FAT3: variants seen among roughly 807,000 people sequenced by gnomAD.
FAT3 encodes the protein FAT atypical cadherin 3, also known as protocadherin Fat 3.
A neutral mutation model predicts 310.2 loss-of-function variants in FAT3; 95 were observed. That is an observed-to-expected ratio of 0.31 (90% CI 0.26 to 0.36). The LOEUF (loss-of-function observed/expected upper bound fraction) is 0.36. FAT3 is among the 10% of genes least tolerant of loss of function. FAT3 has a pLI of 1.00. For missense variants in FAT3, 5,408 were observed against 5,715.6 expected, an observed-to-expected ratio of 0.95 and a Z score of 1.74; for synonymous variants, 2,314 against 2,192.9, an observed-to-expected ratio of 1.06 and a Z score of -1.54.
chr11:92,451,501 C>T (rs1337809464), intron 2 of FAT3, among the ~76,000 whole-genome samples: 1 of 152,088 alleles, frequency 6.6e-6, no homozygotes, highest in Non-Finnish European at 1.5e-5. Context: ...TTAACAGCAG[C>T]CAGCATTCCC....
chr11:92,351,260 C>T (rs1948557643), intron 1 of FAT3, among the ~76,000 whole-genome samples: 1 of 152,074 alleles, frequency 6.6e-6, no homozygotes, highest in African/African-American at 2.4e-5. Flanking sequence ...ATTCTCATGG[C>T]ATTGCATTAT....
chr11:92,823,314 A>G (rs1165227779), intron 13 of FAT3, among the ~76,000 whole-genome samples: 2 of 152,178 alleles, frequency 1.3e-5, no homozygotes, highest in Non-Finnish European at 2.9e-5. Context: ...GTTTACTTAC[A>G]CTTAATCATC....
intron 2 of FAT3, among the ~76,000 whole-genome samples, chr11:92,485,981 AC>A (rs1952370895): frequency 6.6e-6 from 1 of 152,098 alleles, no homozygotes; most frequent in African/African-American, 2.4e-5. Flanking sequence ...AAAGCCATGA[AC>A]CTAGATTTCA....
chr11:92,696,235 A>G (rs1226667374), intron 3 of FAT3, among the ~76,000 whole-genome samples: 2 of 152,124 alleles, frequency 1.3e-5, no homozygotes, highest in Non-Finnish European at 2.9e-5. Context: ...TCATTTATAC[A>G]CTGGAAACAC....
At chr11:92,375,795 C>G (rs898040300) in intron 2 of FAT3, among the ~76,000 whole-genome samples, 1 of 152,096 alleles carries the variant, frequency 6.6e-6, no homozygotes, top group African/African-American at 2.4e-5. Flanking sequence ...TGGTGACCAT[C>G]CTTTATGGTA....
At chr11:92,246,125 G>A (rs1228631635) in intron 1 of FAT3, among the ~76,000 whole-genome samples, 1 of 152,112 alleles carries the variant, frequency 6.6e-6, no homozygotes, top group Non-Finnish European at 1.5e-5. Context: ...CTGCCAGATG[G>A]CAGTGGATGG....
At chr11:92,827,600 T>G (rs1948134177) in intron 13 of FAT3, among the ~76,000 whole-genome samples, 1 of 152,180 alleles carries the variant, frequency 6.6e-6, no homozygotes, top group Non-Finnish European at 1.5e-5. Flanking sequence ...GACTTTTATG[T>G]ACAGTCCCAC....
chr11:92,266,141 G>C lies in FAT3; in HGVS notation c.-18+40967G>C, dbSNP rs148522248. Among the ~76,000 whole-genome samples the C allele has an allele frequency of 6.2e-3, 938 of 152,172 alleles. 2 individuals are homozygous for C. The highest frequency in any genetic ancestry group is 0.01 in the Non-Finnish European group (708 of 67,988). On this transcript the variant is annotated intron_variant, in intron 1 of 27. Coordinates refer to ENST00000525166, the MANE Select transcript of FAT3 (RefSeq NM_001367949.2). ...TGACTTGCAAGGAGATTTATCTTAG[G>C]TTCTAAATGCCTCTTTTAAAGGAAT... is the stretch of plus-strand genomic sequence containing the variant.
At chr11:92,302,131 C>T (rs1466963305) in intron 1 of FAT3, among the ~76,000 whole-genome samples, 10 of 152,048 alleles carry the variant, frequency 6.6e-5, no homozygotes, top group Admixed American at 6.6e-4. Context: ...CCTACTCCAC[C>T]ATAAGGAGCA....
intron 2 of FAT3, among the ~76,000 whole-genome samples, chr11:92,496,342 C>T (rs1952763169): frequency 6.6e-6 from 1 of 152,034 alleles, no homozygotes; most frequent in East Asian, 1.9e-4. Flanking sequence ...CCCCCTGCCT[C>T]TCCACCGCAC....
At chr11:92,241,313 T>G (rs935140775) in intron 1 of FAT3, among the ~76,000 whole-genome samples, 1 of 152,118 alleles carries the variant, frequency 6.6e-6, no homozygotes. Context: ...TCTCTTTTGC[T>G]TCTTAGCATT....
intron 13 of FAT3, among the ~76,000 whole-genome samples, chr11:92,813,475 A>G (rs1339516526): frequency 2.0e-5 from 3 of 152,116 alleles, no homozygotes; most frequent in Non-Finnish European, 2.9e-5. Flanking sequence ...ATATATTTCT[A>G]TGCAATGTTA....
chr11:92,517,646 T>C (rs1307091640), intron 2 of FAT3, among the ~76,000 whole-genome samples: 1 of 152,108 alleles, frequency 6.6e-6, no homozygotes, highest in Non-Finnish European at 1.5e-5. Context: ...ACTAAAGAGC[T>C]TCTGCACAGC....
chr11:92,469,981 C>T (rs1484520645), intron 2 of FAT3, among the ~76,000 whole-genome samples: 1 of 152,128 alleles, frequency 6.6e-6, no homozygotes, highest in African/African-American at 2.4e-5. Context: ...AATCATGCTC[C>T]AATTCCAAGT....
At chr11:92,725,604 A>G (rs1041262866) in intron 4 of FAT3, among the ~76,000 whole-genome samples, 2 of 152,166 alleles carry the variant, frequency 1.3e-5, no homozygotes, top group African/African-American at 2.4e-5. Context: ...AACCAATTCT[A>G]TGGATGTAGA....
intron 19 of FAT3, among the ~76,000 whole-genome samples, chr11:92,845,051 A>T (rs1408584227): frequency 6.6e-6 from 1 of 152,220 alleles, no homozygotes; most frequent in African/African-American, 2.4e-5. Flanking sequence ...GATAAGGGTC[A>T]AGTAGGAATC....
chr11:92,364,315 G>A (rs1488832876), intron 2 of FAT3, among the ~76,000 whole-genome samples: 1 of 152,074 alleles, frequency 6.6e-6, no homozygotes, highest in African/African-American at 2.4e-5. Context: ...TTATCAAACA[G>A]TGAAATTTCA....
rs528174350 is a variant in FAT3, at chr11:92,547,478, A to G, written c.3607+22530A>G. Reference sequence around the variant, plus strand: ...AGTGTAAAACTGTAAAATGTAATAAATAAAACTAATAAAATATGTTCTGTC... The same window carrying G: ...AGTGTAAAACTGTAAAATGTAATAAGTAAAACTAATAAAATATGTTCTGTC... On this transcript the variant is annotated intron_variant, in intron 3 of 27. Coordinates refer to ENST00000525166, the MANE Select transcript of FAT3 (RefSeq NM_001367949.2). 2.6e-5 allele frequency among the ~76,000 whole-genome samples: 4 copies of G among 152,304 alleles called. No homozygotes were observed. In the South Asian group the frequency reaches 8.3e-4, roughly 32 times the overall value.
At chr11:92,696,234 C>G (rs191661952) in intron 3 of FAT3, among the ~76,000 whole-genome samples, 1 of 152,196 alleles carries the variant, frequency 6.6e-6, no homozygotes, top group Non-Finnish European at 1.5e-5. Context: ...ATCATTTATA[C>G]ACTGGAAACA....
Sources: allele counts gnomAD v4.1 joint callset (sites outside exome capture counted in the v4.1 genomes callset), GRCh38; gene constraint gnomAD v4.1.1; transcripts MANE v1.5; gene names NCBI Gene and HGNC (gene_info 2026-07-23, HGNC 2026-07-21).